Variants in ANKRD12 observed in about 807,000 individuals in gnomAD.
ANKRD12 encodes the protein ankyrin repeat domain 12, also known as ankyrin repeat domain-containing protein 12.
Under a neutral mutation model 183.4 loss-of-function variants are expected in ANKRD12, and 85 were observed. The ratio of observed to expected loss-of-function variants is 0.46; its 90% confidence interval spans 0.39 to 0.56. ANKRD12 has a LOEUF of 0.56. Among genes scored for constraint, ANKRD12 ranks in the 20% least tolerant of loss-of-function variants. The pLI, the probability that ANKRD12 is intolerant of heterozygous loss-of-function variation, is 0.00. For missense variants in ANKRD12, 2,405 were observed against 2,357.1 expected (o/e 1.02, Z -0.42); for synonymous variants, 914 against 800.2 (o/e 1.14, Z -2.40).
At chr18:9,185,076 A>G (rs1175436368) in intron 2 of ANKRD12, among the ~76,000 whole-genome samples, 1 of 152,234 alleles carries the variant, frequency 6.6e-6, no homozygotes, top group Admixed American at 6.5e-5. Flanking sequence ...ACCAGAAGGA[A>G]AGTGAAAGTA....
rs181890009 is a variant in ANKRD12, at chr18:9,230,019, T to C, written c.943+8020T>C. 4.1e-3 allele frequency among the ~76,000 whole-genome samples: 622 copies of C among 152,308 alleles called. 5 individuals are homozygous for C. Among genetic ancestry groups the C allele is most frequent in the Admixed American group, 0.021 (320 of 15,298 alleles). ...GGAGAATCCCCTCCTCTTCAATTTTTTGGAGTAGTTGCAAGAAGATTGGTG... is the reference window on the plus strand; with the variant it reads ...GGAGAATCCCCTCCTCTTCAATTTTCTGGAGTAGTTGCAAGAAGATTGGTG... On this transcript the variant is annotated intron_variant, in intron 8 of 12. Transcript: ENST00000262126.
At chr18:9,192,575 G>T (rs571881633) in intron 2 of ANKRD12, among the ~76,000 whole-genome samples, 96 of 151,888 alleles carry the variant, frequency 6.3e-4, no homozygotes, top group Non-Finnish European at 1.2e-3. Context: ...TCTGTGCTCT[G>T]GTATTTATAA....
intron 1 of ANKRD12, among the ~76,000 whole-genome samples, chr18:9,154,394 A>C (rs1423829342): frequency 6.6e-6 from 1 of 152,206 alleles, no homozygotes; most frequent in Non-Finnish European, 1.5e-5. Flanking sequence ...TCTGAGCTAC[A>C]GAACGAGATC....
intron 7 of ANKRD12, among the ~76,000 whole-genome samples, chr18:9,218,629 G>A (rs752350131): frequency 6.6e-6 from 1 of 150,708 alleles, no homozygotes; most frequent in Non-Finnish European, 1.5e-5. Context: ...TGACTTGTTT[G>A]TAAATGTATA....
intron 1 of ANKRD12, among the ~76,000 whole-genome samples, chr18:9,173,060 G>T (rs1291208572): frequency 1.3e-5 from 2 of 148,614 alleles, no homozygotes; most frequent in Non-Finnish European, 3.0e-5. Context: ...CCCAGCTGAG[G>T]TTGCTGATTT....
chr18:9,144,365 A>C (rs1012756131), intron 1 of ANKRD12, among the ~76,000 whole-genome samples: 1 of 152,166 alleles, frequency 6.6e-6, no homozygotes, highest in African/African-American at 2.4e-5. Context: ...TTGTCCCTTC[A>C]AAAACCCCAG....
At chr18:9,253,217 T>C (rs1281390930) in intron 8 of ANKRD12, among the ~76,000 whole-genome samples, 1 of 152,200 alleles carries the variant, frequency 6.6e-6, no homozygotes, top group East Asian at 1.9e-4. Context: ...GCATTCTAAT[T>C]ACTCTCTTAG....
At chr18:9,203,437 A>T (rs2035292042) in intron 3 of ANKRD12, among the ~76,000 whole-genome samples, 1 of 152,204 alleles carries the variant, frequency 6.6e-6, no homozygotes, top group Non-Finnish European at 1.5e-5. Flanking sequence ...TATGAAGAAC[A>T]CAATAATATT....
chr18:9,281,980 G>C lies in ANKRD12; in HGVS notation c.*854G>C, dbSNP rs2145519373. 1 of 152,662 alleles carries C rather than the reference G, an allele frequency of 6.6e-6. No homozygotes were observed. Among genetic ancestry groups the C allele is most frequent in the East Asian group, 1.9e-4 (1 of 5,190 alleles). The allele number at this position is 152,662 out of a possible 1,614,324, so 9.5% of individuals were successfully genotyped here. ...CATACTAGTCTCCTCTAGTAGACCTGTGACTTACTGTGTTGGACATATTAT... is the reference window on the plus strand; with the variant it reads ...CATACTAGTCTCCTCTAGTAGACCTCTGACTTACTGTGTTGGACATATTAT... On this transcript the variant is annotated 3_prime_UTR_variant, in exon 13 of 13. Transcript: ENST00000262126.
At chr18:9,277,336 T>C (rs200237211) in intron 11 of ANKRD12, among the ~76,000 whole-genome samples, 10 of 147,066 alleles carry the variant, frequency 6.8e-5, no homozygotes, top group Non-Finnish European at 1.3e-4. Flanking sequence ...TTTTTTTTTT[T>C]TTTTTTTTTT....
At position 9,138,899 on chromosome 18, in the gene ANKRD12, C is replaced by T. The variant is rs181825956; in HGVS notation, c.-52+1934C>T. Reference sequence around the variant, plus strand: ...TAAATTTCTGAAGCTCTACAGGCATCTTGGCTAAGGTCAAGTTTAACTCGT... The same window carrying T: ...TAAATTTCTGAAGCTCTACAGGCATTTTGGCTAAGGTCAAGTTTAACTCGT... On this transcript the variant is annotated intron_variant, in intron 1 of 12. Transcript: ENST00000262126. Among the ~76,000 whole-genome samples, 80 of 152,272 alleles carry T rather than the reference C, an allele frequency of 5.3e-4. 1 individual carries two copies. Among genetic ancestry groups the T allele is most frequent in the Admixed American group, 2.2e-3 (33 of 15,300 alleles).
Position 9,257,198 on chromosome 18 carries a change from A to G in ANKRD12, c.3931A>G (p.Ser1311Gly). Residue 1311 changes from serine (S) to glycine (G), a missense_variant, in exon 9 of 13, where the codon AGC (serine) becomes GGC (glycine). Physicochemically the swap from Ser to Gly is moderately conservative, Grantham distance 56. Coordinates refer to ENST00000262126, the MANE Select transcript of ANKRD12 (RefSeq NM_015208.5). ...ACCTACCATAGAAGTTCGAAGATGT[A>G]GCATGCCTTCTGTCATTTGTGAACA... ...GRPTIEVRRC[S>G]MPSVICEHTK... is the part of the protein sequence containing the mutation. The G allele has an allele frequency of 6.2e-7, 1 of 1,614,144 alleles. No homozygotes were observed. The highest frequency in any genetic ancestry group is 1.1e-5 in the South Asian group (1 of 91,084).
intron 6 of ANKRD12, among the ~76,000 whole-genome samples, chr18:9,214,559 G>A (rs534728549): frequency 3.3e-4 from 50 of 152,150 alleles, no homozygotes; most frequent in African/African-American, 1.2e-3. Context: ...ATTTTTCATC[G>A]TGTTTAGTAG....
chr18:9,176,697 G>T (rs1163516108), intron 1 of ANKRD12, among the ~76,000 whole-genome samples: 3 of 152,100 alleles, frequency 2.0e-5, no homozygotes, highest in Non-Finnish European at 4.4e-5. Flanking sequence ...AGTTTTTGAT[G>T]TACGTATCTT....
chr18:9,238,228 C>G (rs1596380), intron 8 of ANKRD12, among the ~76,000 whole-genome samples: 3,305 of 152,256 alleles, frequency 0.022, 70 homozygotes, highest in Admixed American at 0.041. Context: ...CATTTCCTTT[C>G]CATAAACACC....
rs373916908 is a variant in ANKRD12, at chr18:9,254,707, T to C, written c.1440T>C (p.Asn480=). 6.6e-7 allele frequency: 1 copy of C among 1,506,112 alleles called. No individual in the cohort carries two copies. Among genetic ancestry groups the C allele is most frequent in the Non-Finnish European group, 8.9e-7 (1 of 1,129,572 alleles). The allele number at this position is 1,506,112 out of a possible 1,614,324, so 93.3% of individuals were successfully genotyped here. ...GKVKRKLKNQ[N]KNKENQELKQ... ...TTAAAAGAAAATTGAAAAATCAGAATAAAAATAAAGAGAACCAAGAGCTAA... is the reference window on the plus strand; with the variant it reads ...TTAAAAGAAAATTGAAAAATCAGAACAAAAATAAAGAGAACCAAGAGCTAA... The change falls in exon 9 of 13, where the codon AAT becomes AAC. Residue 480 remains asparagine (N), a synonymous_variant. Transcript: ENST00000262126.
intron 2 of ANKRD12, among the ~76,000 whole-genome samples, chr18:9,184,526 G>A (rs945530026): frequency 6.6e-6 from 1 of 151,956 alleles, no homozygotes; most frequent in Admixed American, 6.6e-5. Context: ...CTGAGTAGCT[G>A]AGACCGCAGG....
intron 8 of ANKRD12, among the ~76,000 whole-genome samples, chr18:9,241,107 C>A (rs1364023574): frequency 6.6e-6 from 1 of 152,006 alleles, no homozygotes; most frequent in East Asian, 1.9e-4. Flanking sequence ...GTTAACAGTT[C>A]ACCATAAGTA....
At position 9,137,414 on chromosome 18, in the gene ANKRD12, G is replaced by A. The variant is rs1250808049; in HGVS notation, c.-52+449G>A. 2.0e-5 allele frequency: 3 copies of A among 146,572 alleles called. No individual in the cohort carries two copies. The East Asian group carries it at 5.9e-4, about 29-fold the overall frequency. 9.1% of individuals were successfully genotyped at this position (146,572 alleles called of 1,614,324 possible). A position where few individuals can be genotyped will look rare whatever the true frequency, so the allele number is the denominator to read the frequency against. ...CTCCCGGAACATGGCGGGGCCGGAG[G>A]AGCGTGTGCGTGCGAGTGTGAGTGT... is the stretch of plus-strand genomic sequence containing the variant. On this transcript the variant is annotated intron_variant, in intron 1 of 12. Coordinates refer to ENST00000262126, the MANE Select transcript of ANKRD12 (RefSeq NM_015208.5).
Sources: gnomAD v4.1 joint callset for allele counts (sites outside exome capture counted in the v4.1 genomes callset) on GRCh38, gnomAD v4.1.1 for gene constraint, MANE v1.5 for transcripts, NCBI Gene and HGNC (gene_info 2026-07-23, HGNC 2026-07-21) for gene names.